CTNNBL1: variants seen among roughly 807,000 people sequenced by gnomAD.
CTNNBL1 encodes beta-catenin-like protein 1.
In CTNNBL1, 31 loss-of-function variants were observed where a neutral mutation model predicts 72.7. The ratio of observed to expected loss-of-function variants is 0.43; its 90% CI spans 0.32 to 0.58. The LOEUF (loss-of-function observed/expected upper bound fraction) is 0.58. Ranked by LOEUF, CTNNBL1 falls within the 20% of genes least tolerant of loss-of-function variation. CTNNBL1 has a pLI of 0.08. For missense variants in CTNNBL1, 534 were observed against 725.1 expected, an observed-to-expected ratio of 0.74 and a Z score of 3.03; for synonymous variants, 240 against 267.3, an observed-to-expected ratio of 0.90 and a Z score of 1.00.
chr20:37,760,092 A>G (rs1348997045), intron 5 of CTNNBL1, among the ~76,000 whole-genome samples: 1 of 152,196 alleles, frequency 6.6e-6, no homozygotes, highest in African/African-American at 2.4e-5. Flanking sequence ...AATTTGGTTC[A>G]TATCCACTGC....
intron 15 of CTNNBL1, among the ~76,000 whole-genome samples, chr20:37,868,820 G>A (rs912514023): frequency 3.3e-5 from 5 of 152,130 alleles, no homozygotes; most frequent in South Asian, 2.1e-4. Flanking sequence ...CCACAGCATC[G>A]GACTGTTTCT....
At chr20:37,830,248 A>G (rs902284550) in intron 11 of CTNNBL1, among the ~76,000 whole-genome samples, 1 of 152,188 alleles carries the variant, frequency 6.6e-6, no homozygotes, top group African/African-American at 2.4e-5. Flanking sequence ...GATGACCACA[A>G]TCAAGCAAAT....
At chr20:37,860,134 C>A in intron 14 of CTNNBL1, 98 bp downstream of exon 14, 1 of 1,517,696 alleles carries the variant, frequency 6.6e-7, no homozygotes, top group Non-Finnish European at 9.1e-7. Context: ...GGGGGTCACG[C>A]TCTCCTTGAA....
Position 37,860,041 on chromosome 20 carries a change from G to A in CTNNBL1, c.1530+5G>A, listed in dbSNP as rs1344676843. On this transcript the variant is annotated splice_donor_5th_base_variant and intron_variant, in intron 14 of 15. Transcript: ENST00000361383. Reference sequence around the variant, plus strand: ...TGCAATGCCAATGTCCCCCAGGTAGGAGGGTCTTCCCCTGGATGGGCTTAT... The same window carrying A: ...TGCAATGCCAATGTCCCCCAGGTAGAAGGGTCTTCCCCTGGATGGGCTTAT... 1 of 1,614,064 alleles carries A rather than the reference G, an allele frequency of 6.2e-7. No homozygotes were observed. The highest frequency in any genetic ancestry group is 8.5e-7 in the Non-Finnish European group (1 of 1,179,954).
chr20:37,816,956 AG>A (rs1239944005), intron 11 of CTNNBL1, among the ~76,000 whole-genome samples: 1 of 152,208 alleles, frequency 6.6e-6, no homozygotes, highest in African/African-American at 2.4e-5. Flanking sequence ...AGGCTACTGT[AG>A]ATATTGATGA....
chr20:37,842,263 T>A, intron 12 of CTNNBL1, 76 bp from the exon 13 acceptor site: 1 of 993,244 alleles, frequency 1.0e-6, no homozygotes. Context: ...GACAGTGAGA[T>A]GAATAGGAGT....
intron 1 of CTNNBL1, among the ~76,000 whole-genome samples, chr20:37,725,596 G>GC (rs73621701): frequency 1 from 151,072 of 151,228 alleles, 75,458 homozygotes; most frequent in Middle Eastern, 1. Context: ...ACTGCGCCCA[G>GC]CCGCCTCTTT....
chr20:37,743,913 T>C (rs1325899861), intron 3 of CTNNBL1, among the ~76,000 whole-genome samples: 1 of 151,792 alleles, frequency 6.6e-6, no homozygotes, highest in Non-Finnish European at 1.5e-5. Flanking sequence ...TCAGGATACA[T>C]GTAAAATAGA....
intron 10 of CTNNBL1, among the ~76,000 whole-genome samples, chr20:37,792,336 G>A (rs933966655): frequency 3.3e-5 from 5 of 151,842 alleles, no homozygotes; most frequent in South Asian, 2.1e-4. Flanking sequence ...GTGTTTGTGC[G>A]TGTATTTGTG....
chr20:37,832,008 A>G (rs1450997191), intron 11 of CTNNBL1, among the ~76,000 whole-genome samples: 2 of 152,234 alleles, frequency 1.3e-5, no homozygotes, highest in Non-Finnish European at 1.5e-5. Flanking sequence ...GTGTCCTTCA[A>G]CTTACTAGTA....
At chr20:37,776,211 C>A (rs80128233) in intron 7 of CTNNBL1, among the ~76,000 whole-genome samples, 1 of 152,292 alleles carries the variant, frequency 6.6e-6, no homozygotes, top group Non-Finnish European at 1.5e-5. Flanking sequence ...ATTTATAGAT[C>A]TTTTAACCTA....
intron 13 of CTNNBL1, 105 bp from the exon 14 acceptor site, chr20:37,859,794 T>C (rs2122859336): frequency 9.1e-7 from 1 of 1,100,770 alleles, no homozygotes; most frequent in Non-Finnish European, 1.3e-6. Flanking sequence ...TCTTTTGCTG[T>C]TGTTATAGTT....
rs1462881328 is a variant in CTNNBL1 at position 37,732,211 on chromosome 20, T to G, written c.31-668T>G. Among the ~76,000 whole-genome samples, 3 of 152,232 alleles carry G rather than the reference T, an allele frequency of 2.0e-5. No individual in the cohort carries two copies. The East Asian group carries it at 5.8e-4, about 29-fold the overall frequency. Reference sequence around the variant, plus strand: ...TCTTCTGGCCATTTGTACATCTTCTTTTGAGAAGTGTCTATTTAGGTCCTT... The same window carrying G: ...TCTTCTGGCCATTTGTACATCTTCTGTTGAGAAGTGTCTATTTAGGTCCTT... On this transcript the variant is annotated intron_variant, in intron 1 of 15. Coordinates refer to ENST00000361383, the MANE Select transcript of CTNNBL1 (RefSeq NM_030877.5).
chr20:37,743,468 A>C (rs1456277010), intron 3 of CTNNBL1, among the ~76,000 whole-genome samples: 3 of 152,206 alleles, frequency 2.0e-5, no homozygotes, highest in Non-Finnish European at 4.4e-5. Context: ...ATTGGGGGAA[A>C]ATCTTGCTAA....
Position 37,840,134 on chromosome 20 carries a change from C to A in CTNNBL1, c.1246C>A (p.Arg416=), listed in dbSNP as rs757144734. The change falls in exon 12 of 16, where the codon CGG becomes AGG. Residue 416 remains arginine (R), a synonymous_variant. Coordinates refer to ENST00000361383, the MANE Select transcript of CTNNBL1 (RefSeq NM_030877.5). Reference sequence around the variant, plus strand: ...CTGTTCGATCCTGGCTTCCCTCCTGCGGAACCTGAGAGGGCAGCAGCGGAC... The same window carrying A: ...CTGTTCGATCCTGGCTTCCCTCCTGAGGAACCTGAGAGGGCAGCAGCGGAC... ...HVCSILASLL[R]NLRGQQRTRL... The A allele has an allele frequency of 1.2e-6, 2 of 1,613,750 alleles. No homozygotes were observed. Among genetic ancestry groups the A allele is most frequent in the Non-Finnish European group, 1.7e-6 (2 of 1,179,756 alleles).
In CTNNBL1 at chr20:37,743,978, A is replaced by T. The variant is rs2073240790; in HGVS notation, c.327-2490A>T. 1.3e-5 allele frequency among the ~76,000 whole-genome samples: 2 copies of T among 151,868 alleles called. 1 individual carries two copies. The highest frequency in any genetic ancestry group is 4.1e-4 in the South Asian group (2 of 4,822). On this transcript the variant is annotated intron_variant, in intron 3 of 15. Transcript: ENST00000361383. ...AACTTTTTAAAACCTTTATGTCAAA[A>T]GGAAAAAAAAACCTTTATGTCAAAA...
chr20:37,698,947 G>A (rs1342080535), intron 1 of CTNNBL1, among the ~76,000 whole-genome samples: 1 of 152,158 alleles, frequency 6.6e-6, no homozygotes, highest in Non-Finnish European at 1.5e-5. Flanking sequence ...TTAGGAGGCT[G>A]AGGAGGGAGG....
intron 12 of CTNNBL1, among the ~76,000 whole-genome samples, chr20:37,840,705 G>A (rs1411142266): frequency 6.6e-6 from 1 of 152,206 alleles, no homozygotes; most frequent in Non-Finnish European, 1.5e-5. Context: ...ATAAGGAAAT[G>A]GTAGAGCCTG....
chr20:37,859,987 A>G lies in CTNNBL1; in HGVS notation c.1481A>G (p.Gln494Arg). Reference sequence around the variant, plus strand: ...CTGGATGCGGGGCTCTTTGTTCTCCAGCACATCTGCTACATCATGGCCGAG... The same window carrying G: ...CTGGATGCGGGGCTCTTTGTTCTCCGGCACATCTGCTACATCATGGCCGAG... ...RRLDAGLFVLQHICYIMAEIC... is the reference protein window; with the variant it reads ...RRLDAGLFVLRHICYIMAEIC... The change falls in exon 14 of 16, where the codon CAG becomes CGG. Residue 494 changes from glutamine to arginine, a missense_variant. Gln to Arg is a conservative substitution (Grantham distance 43). Transcript: ENST00000361383. The G allele has an allele frequency of 6.2e-7, 1 of 1,613,938 alleles. No homozygotes were observed. Among genetic ancestry groups the G allele is most frequent in the Non-Finnish European group, 8.5e-7 (1 of 1,179,978 alleles).
Sources: allele counts gnomAD v4.1 joint callset (sites outside exome capture counted in the v4.1 genomes callset), GRCh38; gene constraint gnomAD v4.1.1; transcripts MANE v1.5; gene names NCBI Gene and HGNC (gene_info 2026-07-23, HGNC 2026-07-21).